MICB: variants seen among roughly 807,000 people sequenced by gnomAD.
MICB encodes MHC class I polypeptide-related sequence B, also known as MHC class I antigen-related protein B.
A neutral mutation model predicts 34.3 loss-of-function variants in MICB; 27 were observed. The observed-to-expected ratio is 0.79, with a 90% CI of 0.58 to 1.08. The LOEUF is 1.08. MICB is among the 50% of genes least tolerant of loss of function. The probability of loss-of-function intolerance (pLI) is 0.00; values close to 1 mark genes in which losing one functional copy is unlikely to be tolerated. For missense variants in MICB, 426 were observed against 483.1 expected (o/e 0.88, Z 1.11); for synonymous variants, 153 against 187.4 (o/e 0.82, Z 1.50).
chr6:31,495,911 A>AC (rs1402279274), upstream of MICB, among the ~76,000 whole-genome samples: 1 of 151,964 alleles, frequency 6.6e-6, no homozygotes, highest in Non-Finnish European at 1.5e-5. Context: ...AAGTAAATGA[A>AC]AAAAATAAGA....
chr6:31,498,337 G>C (rs1764797390), intron 1 of MICB, 74 bp downstream of exon 1: 1 of 1,307,546 alleles, frequency 7.6e-7, no homozygotes, highest in Non-Finnish European at 1.0e-6. Context: ...GTGGGTTGCC[G>C]CGAGCGCTGT....
intron 1 of MICB, among the ~76,000 whole-genome samples, chr6:31,499,220 G>C (rs1764882874): frequency 6.6e-6 from 1 of 151,828 alleles, no homozygotes; most frequent in African/African-American, 2.4e-5. Context: ...CCTCGCCTCC[G>C]GCTCCGGGGG....
intron 1 of MICB, among the ~76,000 whole-genome samples, chr6:31,498,879 A>G (rs1240254181): frequency 7.9e-5 from 12 of 151,994 alleles, no homozygotes; most frequent in African/African-American, 2.4e-4. Flanking sequence ...CGGACAAACC[A>G]GTCCTTCTGA....
chr6:31,507,469 T>TTAG lies in MICB; in HGVS notation c.964_965insGTA (p.Val321_Ile322insSer), dbSNP rs759143175. The stretch of plus-strand genomic sequence containing the variant: ...GTTTCTGCTGCTATGCCATGTTTTG[T>TTAG]TATTATTATTATTCTCTGTGTCCCT... On this transcript the variant is annotated inframe_insertion, in exon 5 of 6. Transcript: ENST00000252229. This position sits in a 1 kb window ranked among gnomAD's most constrained non-coding sequence, Gnocchi z 6.0. 6.2e-7 allele frequency: 1 copy of TTAG among 1,613,100 alleles called. No homozygotes were observed. The highest frequency in any genetic ancestry group is 1.1e-5 in the South Asian group (1 of 91,068).
chr6:31,496,366 C>CTTTTTTTTTTT (rs3034154), upstream of MICB, among the ~76,000 whole-genome samples: 8 of 121,632 alleles, frequency 6.6e-5, no homozygotes, highest in Non-Finnish European at 6.6e-5. Context: ...TCCTTTTTTT[C>CTTTTTTTTTTT]TTTTTTTTTT....
In MICB at chr6:31,510,093, A is replaced by G. The variant is rs772625570; in HGVS notation, c.*184A>G. The G allele has an allele frequency of 2.0e-5, 11 of 540,870 alleles. No homozygotes were observed. Among genetic ancestry groups the G allele is most frequent in the South Asian group, 1.4e-4 (3 of 21,088 alleles). 33.5% of individuals were successfully genotyped at this position (540,870 alleles called of 1,614,324 possible). The stretch of plus-strand genomic sequence containing the variant: ...CACGTAGAGAGCCAGCAAAGGGATC[A>G]TGACCAACTCAACATTCCATTGGAG... On this transcript the variant is annotated 3_prime_UTR_variant, in exon 6 of 6. Transcript: ENST00000252229.
intron 1 of MICB, among the ~76,000 whole-genome samples, chr6:31,502,069 C>T (rs551527724): frequency 1.3e-5 from 2 of 152,258 alleles, no homozygotes; most frequent in East Asian, 3.9e-4. Context: ...GGCACGGTGG[C>T]TCACTCCTGT....
Position 31,509,851 on chromosome 6 carries a change from T to C in MICB, c.1094T>C (p.Leu365Pro), listed in dbSNP as rs376465665. 6.8e-6 allele frequency: 11 copies of C among 1,613,682 alleles called. No homozygotes were observed. In the East Asian group the frequency reaches 1.6e-4, roughly 23 times the overall value. The part of the protein sequence containing the change: ...GTGDHRDAAQ[L>P]GFQPLMSATG... ...GGAGACCACAGGGATGCAGCACAGC[T>C]GGGATTTCAGCCTCTGATGTCAGCT... The change falls in exon 6 of 6, where the codon CTG (leucine) becomes CCG (proline). Residue 365 changes from leucine to proline, a missense_variant. Physicochemically the swap from Leu to Pro is moderately conservative, Grantham distance 98. Coordinates refer to ENST00000252229, the MANE Select transcript of MICB (RefSeq NM_005931.5).
In MICB at chr6:31,505,825, G is replaced by C. The variant is rs371069553; in HGVS notation, c.279G>C (p.Gly93=). 17 of 1,612,668 alleles carry C rather than the reference G, an allele frequency of 1.1e-5. No homozygotes were observed. The highest frequency in any genetic ancestry group is 3.3e-4 in the Middle Eastern group (2 of 6,062). The part of the protein sequence containing the change: ...DTETEDLTEN[G]QDLRRTLTHI... ...AGACCGAGGACTTGACAGAGAATGG[G>C]CAAGACCTCAGGAGGACCCTGACTC... The change falls in exon 2 of 6, where the codon GGG becomes GGC. Residue 93 remains glycine (G), a synonymous_variant. Transcript: ENST00000252229.
chr6:31,498,446 C>CTTTTTTTT (rs9279321), intron 1 of MICB, among the ~76,000 whole-genome samples, 183 bp downstream of exon 1: 23 of 89,306 alleles, frequency 2.6e-4, no homozygotes, highest in Non-Finnish European at 4.0e-4. Context: ...TCTCCCGTCT[C>CTTTTTTTT]TTTTTTTTTT....
At chr6:31,506,540 C>A (rs1765342152) in intron 3 of MICB, 110 bp downstream of exon 3, 1 of 1,231,136 alleles carries the variant, frequency 8.1e-7, no homozygotes. Flanking sequence ...CAGGCGTTTC[C>A]TGTTGGCATA....
intron 1 of MICB, among the ~76,000 whole-genome samples, chr6:31,500,050 C>T (rs995981462): frequency 1.3e-5 from 2 of 151,712 alleles, no homozygotes; most frequent in Admixed American, 6.6e-5. Context: ...CCCTCCCCAA[C>T]CCAGACCTAA....
chr6:31,500,615 T>C (rs977385480), intron 1 of MICB, among the ~76,000 whole-genome samples: 2 of 152,216 alleles, frequency 1.3e-5, no homozygotes, highest in African/African-American at 4.8e-5. Flanking sequence ...CTTCTCAGCC[T>C]CTGGTAGTCG....
chr6:31,500,819 A>G (rs763705514), intron 1 of MICB, among the ~76,000 whole-genome samples: 20 of 152,134 alleles, frequency 1.3e-4, no homozygotes, highest in Non-Finnish European at 2.6e-4. Context: ...TTCTTTCTCC[A>G]TTCGTCTGTT....
intron 1 of MICB, among the ~76,000 whole-genome samples, chr6:31,501,784 G>T (rs1284657646): frequency 6.6e-6 from 1 of 152,024 alleles, no homozygotes; most frequent in Non-Finnish European, 1.5e-5. Context: ...CTGTTTCATT[G>T]GTCCGTGTGT....
rs1344800632 is a variant in MICB, at chr6:31,503,183, G to A, written c.71-2434G>A. The stretch of plus-strand genomic sequence containing the variant: ...TGTTCATCAGGGATATAGGCCTGTA[G>A]TTTTCTTTTTTTGATGTGTCTTTGC... On this transcript the variant is annotated intron_variant, in intron 1 of 5. Coordinates refer to ENST00000252229, the MANE Select transcript of MICB (RefSeq NM_005931.5). Among the ~76,000 whole-genome samples, 14 of 152,250 alleles carry A rather than the reference G, an allele frequency of 9.2e-5. No individual in the cohort carries two copies. In the South Asian group the frequency reaches 1.0e-3, roughly 11 times the overall value.
chr6:31,498,381 A>C, intron 1 of MICB, 118 bp downstream of exon 1: 1 of 580,506 alleles, frequency 1.7e-6, no homozygotes, highest in South Asian at 2.0e-5. Flanking sequence ...TGCTGTCTGG[A>C]GTGCAGGGAG....
chr6:31,507,668 G>C lies in MICB; in HGVS notation c.1024+137G>C. On this transcript the variant is annotated intron_variant, in intron 5 of 5. Transcript: ENST00000252229. The surrounding 1 kb of genome is among the most constrained non-coding windows in gnomAD (Gnocchi z 6.0). ...GATGGAAGCTGGGGTATTTGGGAGGGGAATGGGAGCTGCATCTCCATCTAC... is the reference window on the plus strand; with the variant it reads ...GATGGAAGCTGGGGTATTTGGGAGGCGAATGGGAGCTGCATCTCCATCTAC... 9.8e-7 allele frequency: 1 copy of C among 1,025,358 alleles called. No homozygotes were observed. The highest frequency in any genetic ancestry group is 1.4e-6 in the Non-Finnish European group (1 of 711,350). 63.5% of individuals were successfully genotyped at this position (1,025,358 alleles called of 1,614,324 possible). A position where few individuals can be genotyped will look rare whatever the true frequency, so the allele number is the denominator to read the frequency against.
chr6:31,502,988 A>T (rs1411972024), intron 1 of MICB, among the ~76,000 whole-genome samples: 1 of 152,228 alleles, frequency 6.6e-6, no homozygotes, highest in Non-Finnish European at 1.5e-5. Flanking sequence ...TTCAGTATCA[A>T]TTGAAATGGT....
Sources: gnomAD v4.1 joint callset for allele counts (sites outside exome capture counted in the v4.1 genomes callset) on GRCh38, gnomAD v4.1.1 for gene constraint, Gnocchi (gnomAD v3.1) non-coding constraint, MANE v1.5 for transcripts, NCBI Gene and HGNC (gene_info 2026-07-23, HGNC 2026-07-21) for gene names.